The following SREK1IP1 variants were observed in gnomAD, a reference collection of about 807,000 sequenced individuals.
The protein encoded by SREK1IP1 is SREK1 interacting protein 1, also known as protein SREK1IP1.
SREK1IP1 carries 12 observed loss-of-function variants against 22.8 expected under a neutral mutation model. The observed-to-expected ratio is 0.53, with a 90% CI of 0.34 to 0.85. The LOEUF is 0.85. Ranked by LOEUF, SREK1IP1 falls within the 40% of genes least tolerant of loss-of-function variation. SREK1IP1 has a pLI of 0.02. For missense variants in SREK1IP1, 147 were observed against 171.8 expected (o/e 0.86, Z 0.81); for synonymous variants, 53 against 52.7 (o/e 1.01, Z -0.02).
chr5:64,764,049 T>C (rs1421171400), intron 1 of SREK1IP1, among the ~76,000 whole-genome samples: 3 of 152,214 alleles, frequency 2.0e-5, no homozygotes, highest in African/African-American at 7.2e-5. Context: ...TCTTAAGTAG[T>C]ATTTTCATGT....
chr5:64,737,045 A>G (rs1742475662), intron 3 of SREK1IP1, among the ~76,000 whole-genome samples: 1 of 151,972 alleles, frequency 6.6e-6, no homozygotes, highest in African/African-American at 2.4e-5. Flanking sequence ...CTTAGCAATG[A>G]TGGATTAGGA....
intron 4 of SREK1IP1, among the ~76,000 whole-genome samples, chr5:64,725,709 T>G (rs903377872): frequency 1.3e-5 from 2 of 152,152 alleles, no homozygotes; most frequent in African/African-American, 2.4e-5. Flanking sequence ...TCCTGCACCC[T>G]TGCCTCTTCA....
At chr5:64,750,115 G>C (rs952713979) in intron 2 of SREK1IP1, among the ~76,000 whole-genome samples, 1 of 151,948 alleles carries the variant, frequency 6.6e-6, no homozygotes, top group Non-Finnish European at 1.5e-5. Context: ...GGACAGCCTA[G>C]GTTGTTGGAT....
rs1742305886 is a variant in SREK1IP1 at position 64,728,105 on chromosome 5, A to G, written c.278+2T>C. ...TTTTTTAAAATGTTGTTCAAAAAATACCTTTTCCTTTTTTTTTTCAATTTG... is the reference window on the plus strand; with the variant it reads ...TTTTTTAAAATGTTGTTCAAAAAATGCCTTTTCCTTTTTTTTTTCAATTTG... On this transcript the variant is annotated splice_donor_variant, in intron 4 of 4. Coordinates refer to ENST00000513458, the MANE Select transcript of SREK1IP1 (RefSeq NM_173829.4). LOFTEE classifies it high-confidence loss of function. 7.3e-7 allele frequency: 1 copy of G among 1,372,004 alleles called. No homozygotes were observed. The highest frequency in any genetic ancestry group is 9.5e-7 in the Non-Finnish European group (1 of 1,054,890). The allele number at this position is 1,372,004 out of a possible 1,614,324, so 85.0% of individuals were successfully genotyped here.
Position 64,719,089 on chromosome 5 carries a change from A to G in SREK1IP1, c.*5295T>C, listed in dbSNP as rs963755833. The G allele has an allele frequency of 3.3e-5, 5 of 152,258 alleles. No individual in the cohort carries two copies. Among genetic ancestry groups the G allele is most frequent in the Admixed American group, 6.5e-5 (1 of 15,288 alleles). The allele number at this position is 152,258 out of a possible 1,614,324, so 9.4% of individuals were successfully genotyped here. On this transcript the variant is annotated 3_prime_UTR_variant, in exon 5 of 5. Transcript: ENST00000513458. ...GGTTATCTTCTAGACCAGAATTAAG[A>G]GAAGTTTCTGTGATGATGGAAATGT...
chr5:64,767,611 GT>G (rs1260039433), intron 1 of SREK1IP1, among the ~76,000 whole-genome samples: 1 of 152,182 alleles, frequency 6.6e-6, no homozygotes, highest in Admixed American at 6.5e-5. Flanking sequence ...GGAAGTGCAG[GT>G]TTAAACAAAG....
chr5:64,766,521 G>A (rs1332846832), intron 1 of SREK1IP1, among the ~76,000 whole-genome samples: 1 of 152,176 alleles, frequency 6.6e-6, no homozygotes, highest in Non-Finnish European at 1.5e-5. Context: ...CTCCTAACTG[G>A]TAAACTTTGT....
chr5:64,762,401 C>T (rs1742965520), intron 1 of SREK1IP1, among the ~76,000 whole-genome samples: 1 of 152,030 alleles, frequency 6.6e-6, no homozygotes, highest in African/African-American at 2.4e-5. Flanking sequence ...TAGTTACAAT[C>T]GGGGAACCTA....
rs1742191941 is a variant in SREK1IP1, at chr5:64,722,745, G to C, written c.*1639C>G. The C allele has an allele frequency of 1.3e-5, 2 of 152,196 alleles. No homozygotes were observed. Among genetic ancestry groups the C allele is most frequent in the South Asian group, 4.1e-4 (2 of 4,828 alleles). 9.4% of individuals were successfully genotyped at this position (152,196 alleles called of 1,614,324 possible). On this transcript the variant is annotated 3_prime_UTR_variant, in exon 5 of 5. Transcript: ENST00000513458. ...GCCCAAATGACTAAATTAGGTTATG[G>C]AAGGGTTGAAAGCGTGAGAGCTCTC...
chr5:64,742,612 C>A (rs555968539), intron 2 of SREK1IP1, among the ~76,000 whole-genome samples: 2 of 152,132 alleles, frequency 1.3e-5, no homozygotes, highest in African/African-American at 4.8e-5. Context: ...TAGGTTTATA[C>A]CAGAGACTCT....
chr5:64,744,077 T>C (rs1198439236), intron 2 of SREK1IP1, among the ~76,000 whole-genome samples: 1 of 152,124 alleles, frequency 6.6e-6, no homozygotes, highest in Non-Finnish European at 1.5e-5. Flanking sequence ...GCATGTGCAT[T>C]AAGAGGCAAA....
At position 64,741,761 on chromosome 5, in the gene SREK1IP1, T is replaced by A. The variant is rs150738637; in HGVS notation, c.62-561A>T. On this transcript the variant is annotated intron_variant, in intron 2 of 4. Transcript: ENST00000513458. ...CTACCCTATAAGAAAACTACAACAG[T>A]TATCTACTTATGTATATGTTTTAGA... Among the ~76,000 whole-genome samples the A allele has an allele frequency of 5.3e-5, 8 of 152,308 alleles. No individual in the cohort carries two copies. The East Asian group carries it at 1.3e-3, about 26-fold the overall frequency.
chr5:64,744,270 T>C (rs1005375361), intron 2 of SREK1IP1, among the ~76,000 whole-genome samples: 1 of 152,170 alleles, frequency 6.6e-6, no homozygotes, highest in African/African-American at 2.4e-5. Flanking sequence ...TAAGCCAGCA[T>C]GTAAAATGCT....
chr5:64,738,928 A>C (rs1001257647), intron 3 of SREK1IP1, among the ~76,000 whole-genome samples: 15 of 152,154 alleles, frequency 9.9e-5, no homozygotes, highest in African/African-American at 3.6e-4. Context: ...CCCTTCCAAA[A>C]TGTGAAGGCA....
Position 64,753,051 on chromosome 5 carries a change from G to A in SREK1IP1, c.61+1264C>T, listed in dbSNP as rs1231761175. Among the ~76,000 whole-genome samples the A allele has an allele frequency of 2.6e-5, 4 of 152,304 alleles. No homozygotes were observed. In the East Asian group the frequency reaches 7.7e-4, roughly 29 times the overall value. Reference sequence around the variant, plus strand: ...CTTCTCCTAAAGAATTCTAATTACTGCAGATACTTCCATTGTTGTCTTAAA... The same window carrying A: ...CTTCTCCTAAAGAATTCTAATTACTACAGATACTTCCATTGTTGTCTTAAA... On this transcript the variant is annotated intron_variant, in intron 2 of 4. Coordinates refer to ENST00000513458, the MANE Select transcript of SREK1IP1 (RefSeq NM_173829.4).
At position 64,719,591 on chromosome 5, in the gene SREK1IP1, A is replaced by C. The variant is rs544101410; in HGVS notation, c.*4793T>G. ...TGAAAATCTAGGTTGAGAAAAATTT[A>C]GTTAAGGCACTGGCACCATTCTACT... is the stretch of plus-strand genomic sequence containing the variant. On this transcript the variant is annotated 3_prime_UTR_variant, in exon 5 of 5. Coordinates refer to ENST00000513458, the MANE Select transcript of SREK1IP1 (RefSeq NM_173829.4). 1.3e-5 allele frequency: 2 copies of C among 152,306 alleles called. No homozygotes were observed. Among genetic ancestry groups the C allele is most frequent in the South Asian group, 4.1e-4 (2 of 4,834 alleles). 9.4% of individuals were successfully genotyped at this position (152,306 alleles called of 1,614,324 possible).
intron 2 of SREK1IP1, among the ~76,000 whole-genome samples, chr5:64,752,144 G>GTTTTT (rs755420855): frequency 0.013 from 1,149 of 85,302 alleles, 70 homozygotes; most frequent in East Asian, 0.018. Context: ...TTTTTTTTGT[G>GTTTTT]TGTTTTTTTT....
At chr5:64,758,547 C>A (rs937407629) in intron 1 of SREK1IP1, among the ~76,000 whole-genome samples, 8 of 152,160 alleles carry the variant, frequency 5.3e-5, no homozygotes, top group Non-Finnish European at 1.5e-5. Flanking sequence ...AAAACAACTG[C>A]ATGTTGAGAA....
At chr5:64,756,195 T>C (rs1011445008) in intron 1 of SREK1IP1, among the ~76,000 whole-genome samples, 2 of 152,342 alleles carry the variant, frequency 1.3e-5, no homozygotes, top group African/African-American at 4.8e-5. Context: ...TCTTAACCAT[T>C]TTAAAGTATA....
Sources: allele counts gnomAD v4.1 joint callset (sites outside exome capture counted in the v4.1 genomes callset), GRCh38; gene constraint gnomAD v4.1.1; transcripts MANE v1.5; gene names NCBI Gene and HGNC (gene_info 2026-07-23, HGNC 2026-07-21).